The following SLC9A4 variants were observed in gnomAD, a reference collection of about 807,000 sequenced individuals.
SLC9A4 encodes the protein sodium/hydrogen exchanger 4.
A neutral mutation model predicts 67.4 loss-of-function variants in SLC9A4; 63 were observed. That is an observed-to-expected ratio of 0.93 (90% confidence interval 0.76 to 1.15). The LOEUF (loss-of-function observed/expected upper bound fraction) is 1.15. SLC9A4 is among the 50% of genes most tolerant of loss of function. The pLI is 0.00. For synonymous variants in SLC9A4, 393 were observed against 367.2 expected, an observed-to-expected ratio of 1.07 and a Z score of -0.80; for missense variants, 1,089 against 987.7, an observed-to-expected ratio of 1.10 and a Z score of -1.38.
intron 11 of SLC9A4, among the ~76,000 whole-genome samples, chr2:102,528,110 C>T (rs1342928511): frequency 5.3e-5 from 8 of 152,016 alleles, no homozygotes; most frequent in Non-Finnish European, 7.4e-5. Flanking sequence ...TGAGTTCAAG[C>T]GATTCTCCTG....
At position 102,473,728 on chromosome 2, in the gene SLC9A4, C is replaced by G; in HGVS notation, c.-32C>G. The stretch of plus-strand genomic sequence containing the variant: ...ACTTCAGATGTGTGGCACACATCCA[C>G]ACAGGGGTGTAGGTAGGAGAAGCCC... On this transcript the variant is annotated 5_prime_UTR_variant, in exon 1 of 12. Coordinates refer to ENST00000295269, the MANE Select transcript of SLC9A4 (RefSeq NM_001011552.4). 6.2e-7 allele frequency: 1 copy of G among 1,609,688 alleles called. No individual in the cohort carries two copies. The highest frequency in any genetic ancestry group is 1.1e-5 in the South Asian group (1 of 90,750).
rs921279568 is a variant in SLC9A4 at position 102,526,414 on chromosome 2, G to C, written c.2038+68G>C. 5 of 1,435,114 alleles carry C rather than the reference G, an allele frequency of 3.5e-6. No homozygotes were observed. In the African/African-American group the frequency reaches 7.0e-5, roughly 20 times the overall value. 88.9% of individuals were successfully genotyped at this position (1,435,114 alleles called of 1,614,324 possible). ...CAGGTGGTAAATATCTGGGGGTGTG[G>C]GCCAAGAGGCAACATTAAGAACATT... On this transcript the variant is annotated intron_variant, in intron 11 of 11. Transcript: ENST00000295269.
At chr2:102,520,668 G>T (rs1002783541) in intron 9 of SLC9A4, among the ~76,000 whole-genome samples, 7 of 152,112 alleles carry the variant, frequency 4.6e-5, no homozygotes, top group African/African-American at 1.7e-4. Context: ...TTCATTTTGA[G>T]GGCCTTTGGT....
At position 102,503,702 on chromosome 2, in the gene SLC9A4, C is replaced by A; in HGVS notation, c.975C>A (p.Ile325=). The change falls in exon 3 of 12, where the codon ATC becomes ATA. Residue 325 remains isoleucine, a synonymous_variant. Coordinates refer to ENST00000295269, the MANE Select transcript of SLC9A4 (RefSeq NM_001011552.4). ...LAAETLYLSG[I]LAITACAVTM... is the part of the protein sequence containing the mutation. ...CTGAAACCCTCTATCTCTCCGGCAT[C>A]CTGGCGTGAGTACAAACCAAGGATC... 6.2e-7 allele frequency: 1 copy of A among 1,614,034 alleles called. No individual in the cohort carries two copies. Among genetic ancestry groups the A allele is most frequent in the Non-Finnish European group, 8.5e-7 (1 of 1,179,924 alleles).
chr2:102,499,042 G>A (rs938913131), intron 2 of SLC9A4, among the ~76,000 whole-genome samples: 11 of 152,220 alleles, frequency 7.2e-5, no homozygotes. Context: ...AAGGACAGAA[G>A]CTGGATGGGA....
intron 8 of SLC9A4, among the ~76,000 whole-genome samples, chr2:102,519,479 A>G (rs4851611): frequency 2.0e-5 from 3 of 152,048 alleles, no homozygotes; most frequent in Non-Finnish European, 4.4e-5. Flanking sequence ...TTTCTGTTGC[A>G]TTTAACGGTA....
At chr2:102,524,731 T>A (rs1200448922) in intron 9 of SLC9A4, among the ~76,000 whole-genome samples, 8 of 152,116 alleles carry the variant, frequency 5.3e-5, no homozygotes, top group Admixed American at 1.3e-4. Context: ...AAGGAAAGTG[T>A]ATGTAAGGGG....
At chr2:102,516,106 T>C (rs946228130) in intron 8 of SLC9A4, among the ~76,000 whole-genome samples, 25 of 152,204 alleles carry the variant, frequency 1.6e-4, no homozygotes, top group Admixed American at 1.4e-3. Context: ...ATTTTTGTAT[T>C]ACATTGCATC....
chr2:102,519,033 A>C (rs1685338733), intron 8 of SLC9A4, among the ~76,000 whole-genome samples: 1 of 152,212 alleles, frequency 6.6e-6, no homozygotes, highest in Admixed American at 6.5e-5. Context: ...CTGCCACTAG[A>C]TTGTAATCAA....
At chr2:102,515,413 C>A (rs1685256929) in intron 8 of SLC9A4, among the ~76,000 whole-genome samples, 1 of 148,046 alleles carries the variant, frequency 6.8e-6, no homozygotes, top group African/African-American at 2.5e-5. Context: ...GAGATAATCC[C>A]TGAGGATATC....
chr2:102,532,226 A>T (rs1411056713), intron 11 of SLC9A4, 104 bp from the exon 12 acceptor site: 3 of 1,291,008 alleles, frequency 2.3e-6, no homozygotes, highest in Non-Finnish European at 3.2e-6. Context: ...CTGAAACCTC[A>T]GGAAGAGCTT....
At chr2:102,493,155 C>G (rs1173958682) in intron 2 of SLC9A4, among the ~76,000 whole-genome samples, 1 of 152,198 alleles carries the variant, frequency 6.6e-6, no homozygotes, top group African/African-American at 2.4e-5. Flanking sequence ...TCTGAGCCTT[C>G]CAAGTCTCTT....
intron 2 of SLC9A4, among the ~76,000 whole-genome samples, chr2:102,494,030 C>CA (rs1684757422): frequency 6.6e-6 from 1 of 151,816 alleles, no homozygotes; most frequent in Non-Finnish European, 1.5e-5. Flanking sequence ...AGAATTTACC[C>CA]TTACAGGGAT....
At chr2:102,483,839 TATAC>T (rs1446925209) in intron 2 of SLC9A4, among the ~76,000 whole-genome samples, 9 of 127,942 alleles carry the variant, frequency 7.0e-5, no homozygotes. Flanking sequence ...TATATATATA[TATAC>T]ACACACACAA....
rs766813901 is a variant in SLC9A4, at chr2:102,532,484, A to T, written c.2193A>T (p.Thr731=). ...TCAGCTTTGGTTATCAAAGAAACAC[A>T]AGCCAAGAAGAGTACTTGGGTGGAG... The part of the protein sequence containing the change: ...KAFSFGYQRN[T]SQEEYLGGVR... The change falls in exon 12 of 12, where the codon ACA becomes ACT. Residue 731 remains threonine (T), a synonymous_variant. Coordinates refer to ENST00000295269, the MANE Select transcript of SLC9A4 (RefSeq NM_001011552.4). The T allele has an allele frequency of 1.2e-6, 2 of 1,614,068 alleles. No individual in the cohort carries two copies. Among genetic ancestry groups the T allele is most frequent in the African/African-American group, 2.7e-5 (2 of 74,918 alleles).
At position 102,473,862 on chromosome 2, in the gene SLC9A4, A is replaced by G; in HGVS notation, c.103A>G (p.Asn35Asp). The change falls in exon 1 of 12, where the codon AAT (asparagine) becomes GAT (aspartate). Residue 35 changes from asparagine (N) to aspartate (D), a missense_variant. Asn to Asp is a conservative substitution (Grantham distance 23). Coordinates refer to ENST00000295269, the MANE Select transcript of SLC9A4 (RefSeq NM_001011552.4). ...ATCTTCTGATTTGAATGAATCTGCA[A>G]ATTCCACTGCTCAGTATGCATCTAA... Reference protein sequence around the residue: ...EASSDLNESANSTAQYASNAW... With the variant: ...EASSDLNESADSTAQYASNAW... 6.2e-7 allele frequency: 1 copy of G among 1,614,094 alleles called. No individual in the cohort carries two copies. The highest frequency in any genetic ancestry group is 1.1e-5 in the South Asian group (1 of 91,082).
intron 6 of SLC9A4, among the ~76,000 whole-genome samples, chr2:102,509,693 G>C (rs1237652196): frequency 6.6e-6 from 1 of 152,140 alleles, no homozygotes; most frequent in East Asian, 1.9e-4. Flanking sequence ...ATCTAGAGCA[G>C]GGCTCAGTGA....
At position 102,510,272 on chromosome 2, in the gene SLC9A4, C is replaced by T. The variant is rs61589108; in HGVS notation, c.1488+1339C>T. ...ACAGATACAGATACAGATACAGATA[C>T]AGATATAGATATAGATATAGATATA... On this transcript the variant is annotated intron_variant, in intron 6 of 11. Coordinates refer to ENST00000295269, the MANE Select transcript of SLC9A4 (RefSeq NM_001011552.4). Among the ~76,000 whole-genome samples the T allele has an allele frequency of 2.4e-3, 308 of 126,312 alleles. 3 individuals are homozygous for T. The highest frequency in any genetic ancestry group is 7.1e-3 in the African/African-American group (234 of 32,824). 82.9% of individuals were successfully genotyped at this position (126,312 alleles called of 152,430 possible).
chr2:102,520,719 A>G (rs1251998134), intron 9 of SLC9A4, among the ~76,000 whole-genome samples: 6 of 152,200 alleles, frequency 3.9e-5, no homozygotes, highest in Non-Finnish European at 8.8e-5. Context: ...ATGAAACTAA[A>G]ACAAAATCAC....
Sources: allele counts gnomAD v4.1 joint callset (sites outside exome capture counted in the v4.1 genomes callset), GRCh38; gene constraint gnomAD v4.1.1; transcripts MANE v1.5; gene names NCBI Gene and HGNC (gene_info 2026-07-23, HGNC 2026-07-21).